The following SORCS1 variants were observed in gnomAD, a reference collection of about 807,000 sequenced individuals.
SORCS1 encodes VPS10 domain-containing receptor SorCS1.
In SORCS1, 60 loss-of-function variants were observed where a neutral mutation model predicts 146.1. The ratio of observed to expected loss-of-function variants is 0.41; its 90% CI spans 0.33 to 0.51. The LOEUF (loss-of-function observed/expected upper bound fraction) is 0.51, where lower values mean the gene tolerates loss of function less well. Among genes scored for constraint, SORCS1 ranks in the 20% least tolerant of loss-of-function variants. The pLI is 0.21. For missense variants in SORCS1, 1,352 were observed against 1,487.6 expected (o/e 0.91, Z 1.50); for synonymous variants, 637 against 584.0 (o/e 1.09, Z -1.31).
intron 2 of SORCS1, among the ~76,000 whole-genome samples, chr10:106,883,634 C>T (rs926534759): frequency 6.6e-6 from 1 of 152,068 alleles, no homozygotes; most frequent in Non-Finnish European, 1.5e-5. Context: ...AGGATGGTCT[C>T]GATCTCCTGA....
rs373533225 is a variant in SORCS1 at position 106,768,847 on chromosome 10, G to T, written c.886-7186C>A. Among the ~76,000 whole-genome samples the T allele has an allele frequency of 7.2e-5, 11 of 152,300 alleles. No homozygotes were observed. In the East Asian group the frequency reaches 2.1e-3, roughly 29 times the overall value. On this transcript the variant is annotated intron_variant, in intron 4 of 25. Coordinates refer to ENST00000263054, the MANE Select transcript of SORCS1 (RefSeq NM_052918.5). Reference sequence around the variant, plus strand: ...GGCATCTATGCCATGTTTGCTATGTGTCAGGCTCTGTGTTCATATTTTGCA... The same window carrying T: ...GGCATCTATGCCATGTTTGCTATGTTTCAGGCTCTGTGTTCATATTTTGCA...
chr10:107,171,305 G>A, the SORCS1 span, among the ~76,000 whole-genome samples: 3 of 152,178 alleles, frequency 2.0e-5, no homozygotes, highest in Middle Eastern at 3.2e-3. Flanking sequence ...CACTCTGGAA[G>A]CAAATTGAAA....
chr10:106,588,261 C>A (rs577418626), intron 24 of SORCS1, among the ~76,000 whole-genome samples: 3 of 152,184 alleles, frequency 2.0e-5, no homozygotes, highest in Non-Finnish European at 4.4e-5. Context: ...CATTTTCTCC[C>A]CCTTCCTCAT....
intron 1 of SORCS1, among the ~76,000 whole-genome samples, chr10:107,109,051 C>A (rs1300641610): frequency 5.3e-5 from 8 of 152,190 alleles, no homozygotes; most frequent in Admixed American, 5.2e-4. Flanking sequence ...GCAGCTCTAC[C>A]CTTGTGGCTT....
chr10:106,954,056 G>T (rs1329396525), intron 2 of SORCS1, among the ~76,000 whole-genome samples: 1 of 152,032 alleles, frequency 6.6e-6, no homozygotes, highest in African/African-American at 2.4e-5. Context: ...TCTTAGACTG[G>T]GCCATCAGTA....
chr10:107,069,683 C>G (rs1031644399), intron 1 of SORCS1, among the ~76,000 whole-genome samples: 50 of 152,132 alleles, frequency 3.3e-4, no homozygotes, highest in African/African-American at 1.1e-3. Context: ...GCCCATGTGC[C>G]TATTTTTAAA....
At chr10:106,729,443 CTT>C (rs34045437) in intron 6 of SORCS1, among the ~76,000 whole-genome samples, 66 of 145,094 alleles carry the variant, frequency 4.5e-4, no homozygotes, top group South Asian at 6.5e-4. Context: ...CTCTCTCTCT[CTT>C]TTTTTTTTTT....
In SORCS1 at chr10:107,110,398, T is replaced by C. The variant is rs368952075; in HGVS notation, c.558+53571A>G. On this transcript the variant is annotated intron_variant, in intron 1 of 25. Coordinates refer to ENST00000263054, the MANE Select transcript of SORCS1 (RefSeq NM_052918.5). The stretch of plus-strand genomic sequence containing the variant: ...CTTAATAGAAAGTATGGTGCAGGCA[T>C]TTGCCCAGCTTCCGGTGAAGCCTCA... Among the ~76,000 whole-genome samples, 177 of 152,252 alleles carry C rather than the reference T, an allele frequency of 1.2e-3. 5 individuals are homozygous for C. In the South Asian group the frequency reaches 0.036, roughly 31 times the overall value.
intron 7 of SORCS1, among the ~76,000 whole-genome samples, chr10:106,707,826 A>G (rs553652630): frequency 2.2e-4 from 33 of 152,288 alleles, no homozygotes; most frequent in African/African-American, 7.2e-4. Context: ...TCTCCTACAC[A>G]GCCACTCTTA....
chr10:107,149,418 T>C (rs1354402445), intron 1 of SORCS1, among the ~76,000 whole-genome samples: 1 of 152,152 alleles, frequency 6.6e-6, no homozygotes, highest in African/African-American at 2.4e-5. Flanking sequence ...AACCATCCGA[T>C]TCATCCCAAT....
chr10:106,833,431 G>C (rs1044232024), intron 2 of SORCS1, among the ~76,000 whole-genome samples: 1 of 152,154 alleles, frequency 6.6e-6, no homozygotes, highest in African/African-American at 2.4e-5. Context: ...AGTTTCATCG[G>C]TAGAACCAAC....
At chr10:107,099,816 A>T (rs902815849) in intron 1 of SORCS1, among the ~76,000 whole-genome samples, 16 of 152,260 alleles carry the variant, frequency 1.1e-4, no homozygotes, top group African/African-American at 3.9e-4. Context: ...AGTGCCTACT[A>T]TGTGCCAGGC....
chr10:106,956,501 T>C lies in SORCS1; in HGVS notation c.626+12A>G, dbSNP rs1954949506. ...ATAACACGGTAATTATTAGCTCCATTTATCTACATACCTCCAAAGCGAGCT... is the reference window on the plus strand; with the variant it reads ...ATAACACGGTAATTATTAGCTCCATCTATCTACATACCTCCAAAGCGAGCT... On this transcript the variant is annotated intron_variant, in intron 2 of 25. Transcript: ENST00000263054. 5 of 1,612,776 alleles carry C rather than the reference T, an allele frequency of 3.1e-6. No individual in the cohort carries two copies. Among genetic ancestry groups the C allele is most frequent in the Non-Finnish European group, 4.2e-6 (5 of 1,179,152 alleles).
chr10:106,993,438 T>C (rs12247234), intron 1 of SORCS1, among the ~76,000 whole-genome samples: 1 of 151,990 alleles, frequency 6.6e-6, no homozygotes, highest in Non-Finnish European at 1.5e-5. Flanking sequence ...GAAAATTGAG[T>C]AGCAAAGAGA....
chr10:107,015,340 TCA>T (rs141929986), intron 1 of SORCS1, among the ~76,000 whole-genome samples: 3 of 151,836 alleles, frequency 2.0e-5, no homozygotes, highest in African/African-American at 4.8e-5. Flanking sequence ...GTTATTGCCA[TCA>T]CACACACACA....
At chr10:106,578,232 A>C (rs946476167) in intron 25 of SORCS1, 1 of 152,206 alleles carries the variant, frequency 6.6e-6, no homozygotes, top group Non-Finnish European at 1.5e-5. Flanking sequence ...GTGGCTTCAT[A>C]GGTTTGTCTA....
chr10:106,647,589 G>C (rs1849543716), intron 18 of SORCS1, among the ~76,000 whole-genome samples: 1 of 152,150 alleles, frequency 6.6e-6, no homozygotes, highest in African/African-American at 2.4e-5. Flanking sequence ...TATGACAAAG[G>C]CTCATAGCAA....
intron 5 of SORCS1, among the ~76,000 whole-genome samples, chr10:106,755,851 G>A (rs1858595372): frequency 6.6e-6 from 1 of 152,160 alleles, no homozygotes; most frequent in South Asian, 2.1e-4. Context: ...AGCCTAGGCT[G>A]GGCATGGCGG....
At position 107,044,400 on chromosome 10, in the gene SORCS1, A is replaced by G. The variant is rs113056104; in HGVS notation, c.559-87820T>C. Among the ~76,000 whole-genome samples, 220 of 152,016 alleles carry G rather than the reference A, an allele frequency of 1.4e-3. 2 individuals carry two copies. Among genetic ancestry groups the G allele is most frequent in the African/African-American group, 4.1e-3 (171 of 41,468 alleles). ...CTTTCCCCCACAAAAGAAAACTCAC[A>G]AATAAATAAGAAATGTGCCCTGATT... is the stretch of plus-strand genomic sequence containing the variant. On this transcript the variant is annotated intron_variant, in intron 1 of 25. Transcript: ENST00000263054.
Sources: gnomAD v4.1 joint callset for allele counts (sites outside exome capture counted in the v4.1 genomes callset) on GRCh38, gnomAD v4.1.1 for gene constraint, MANE v1.5 for transcripts, NCBI Gene and HGNC (gene_info 2026-07-23, HGNC 2026-07-21) for gene names.